The following PLCG2 variants were observed in gnomAD, a reference collection of about 807,000 sequenced individuals.
PLCG2 encodes phospholipase C gamma 2, also known as 1-phosphatidylinositol 4,5-bisphosphate phosphodiesterase gamma-2.
Under a neutral mutation model 175.6 loss-of-function variants are expected in PLCG2, and 69 were observed. That is an observed-to-expected ratio of 0.39 (90% CI 0.32 to 0.48). The LOEUF (loss-of-function observed/expected upper bound fraction) is 0.48. Ranked by LOEUF, PLCG2 falls within the 20% of genes least tolerant of loss-of-function variation. The pLI is 0.91. For synonymous variants in PLCG2, 827 were observed against 624.0 expected (o/e 1.33, Z -4.85); for missense variants, 1,798 against 1,650.9 (o/e 1.09, Z -1.54).
At chr16:81,938,759 A>G (rs1183486643) in intron 28 of PLCG2, 42 bp from the exon 29 acceptor site, 2 of 1,244,970 alleles carry the variant, frequency 1.6e-6, no homozygotes, top group South Asian at 2.4e-5. Flanking sequence ...CTGCCTGTTC[A>G]GGACCCCAGG....
At chr16:81,940,353 G>A (rs1281639079) in intron 30 of PLCG2, among the ~76,000 whole-genome samples, 19 of 152,090 alleles carry the variant, frequency 1.2e-4, no homozygotes, top group Admixed American at 1.2e-3. Context: ...AATATTACAT[G>A]CGGTTTGCTT....
rs1013372539 is a variant in PLCG2 at position 81,893,639 on chromosome 16, G to GA, written c.987-69dup. On this transcript the variant is annotated intron_variant, in intron 11 of 32. Coordinates refer to ENST00000564138, the MANE Select transcript of PLCG2 (RefSeq NM_002661.5). ...CGGAGAAGTTCCCCCACAACACCCT[G>GA]AGGTGCAGGCTTGCCCCCCAACCCC... The GA allele has an allele frequency of 3.6e-4, 317 of 889,176 alleles. 1 individual carries two copies. In the Middle Eastern group the frequency reaches 7.3e-3, roughly 20 times the overall value. 55.1% of individuals were successfully genotyped at this position (889,176 alleles called of 1,614,324 possible). A position where few individuals can be genotyped will look rare whatever the true frequency, so the allele number is the denominator to read the frequency against.
chr16:81,853,922 A>T (rs1001543871), intron 2 of PLCG2, among the ~76,000 whole-genome samples: 14 of 152,008 alleles, frequency 9.2e-5, no homozygotes, highest in Non-Finnish European at 1.9e-4. Flanking sequence ...TCTTATTATT[A>T]TTTTTAATTT....
intron 13 of PLCG2, among the ~76,000 whole-genome samples, chr16:81,896,165 G>A (rs959297767): frequency 6.6e-6 from 1 of 152,102 alleles, no homozygotes; most frequent in Non-Finnish European, 1.5e-5. Context: ...TCTGGCTGGG[G>A]AACCCTGTGG....
intron 5 of PLCG2, among the ~76,000 whole-genome samples, chr16:81,865,885 G>A (rs2143515058): frequency 7.2e-6 from 1 of 138,768 alleles, no homozygotes; most frequent in Non-Finnish European, 1.6e-5. Flanking sequence ...AGAGGACGCT[G>A]GCCTCTCCCT....
intron 1 of PLCG2, among the ~76,000 whole-genome samples, chr16:81,782,364 C>G (rs888893904): frequency 2.0e-5 from 3 of 149,884 alleles, no homozygotes; most frequent in East Asian, 1.9e-4. Context: ...GAAACAGGAA[C>G]AAAAAAGGGA....
intron 24 of PLCG2, 122 bp from the exon 25 acceptor site, chr16:81,931,375 G>A: frequency 1.2e-6 from 1 of 865,602 alleles, no homozygotes. Context: ...CCCCATCAGT[G>A]CTAACCGTGG....
In PLCG2 at chr16:81,961,901, G is replaced by C. The variant is rs1739360750; in HGVS notation, c.*3903G>C. ...TCAAAATTCACTTAAGAGTATCTGAGCATAAAATGTTAAGATTGCTGATCG... is the reference window on the plus strand; with the variant it reads ...TCAAAATTCACTTAAGAGTATCTGACCATAAAATGTTAAGATTGCTGATCG... On this transcript the variant is annotated 3_prime_UTR_variant, in exon 33 of 33. Transcript: ENST00000564138. 1 of 198,952 alleles carries C rather than the reference G, an allele frequency of 5.0e-6. No homozygotes were observed. Among genetic ancestry groups the C allele is most frequent in the African/African-American group, 2.3e-5 (1 of 43,430 alleles). The allele number at this position is 198,952 out of a possible 1,614,324, so 12.3% of individuals were successfully genotyped here. A position where few individuals can be genotyped will look rare whatever the true frequency, so the allele number is the denominator to read the frequency against.
At chr16:81,747,914 A>G (rs1319972699) in intron 1 of PLCG2, among the ~76,000 whole-genome samples, 1 of 152,018 alleles carries the variant, frequency 6.6e-6, no homozygotes, top group African/African-American at 2.4e-5. Context: ...AGATGGAATC[A>G]CCCAGGCTGG....
intron 2 of PLCG2, among the ~76,000 whole-genome samples, chr16:81,818,166 C>T (rs4392063): frequency 0.95 from 145,010 of 152,296 alleles, 69,070 homozygotes; most frequent in East Asian, 1. Context: ...CTCTTACTCC[C>T]GTTAGGATTG....
At chr16:81,836,589 A>C (rs1377649295) in intron 2 of PLCG2, among the ~76,000 whole-genome samples, 2 of 152,036 alleles carry the variant, frequency 1.3e-5, no homozygotes, top group African/African-American at 2.4e-5. Flanking sequence ...AAAAATACAA[A>C]AGTTAGCCGG....
intron 1 of PLCG2, among the ~76,000 whole-genome samples, chr16:81,745,555 T>C (rs1909687544): frequency 6.6e-6 from 1 of 152,192 alleles, no homozygotes; most frequent in Admixed American, 6.5e-5. Flanking sequence ...ACCAGCTGGA[T>C]GTCAACCCCA....
chr16:81,912,690 G>C lies in PLCG2; in HGVS notation c.2028G>C (p.Gly676=), dbSNP rs1909680529. 6.2e-7 allele frequency: 1 copy of C among 1,611,144 alleles called. No individual in the cohort carries two copies. The highest frequency in any genetic ancestry group is 8.5e-7 in the Non-Finnish European group (1 of 1,178,558). The change falls in exon 19 of 33, where the codon GGG becomes GGC. Residue 676 remains glycine (G), a synonymous_variant. Coordinates refer to ENST00000564138, the MANE Select transcript of PLCG2 (RefSeq NM_002661.5). The stretch of plus-strand genomic sequence containing the variant: ...CCTTCCTGATCCGGAAGCGAGAGGG[G>C]AGCGACTCCTATGCCATCACCTTCA... ...DGAFLIRKRE[G]SDSYAITFRA...
intron 13 of PLCG2, chr16:81,898,542 C>T (rs568525303): frequency 2.0e-5 from 3 of 152,278 alleles, no homozygotes; most frequent in Non-Finnish European, 2.9e-5. Flanking sequence ...TTATCATCGT[C>T]ACTTTATTTT....
chr16:81,919,359 C>T (rs1232763549), intron 19 of PLCG2, 125 bp from the exon 20 acceptor site: 2 of 687,754 alleles, frequency 2.9e-6, no homozygotes, highest in Non-Finnish European at 2.6e-6. Context: ...GAGGACTATA[C>T]CCTGTTTATT....
At chr16:81,831,118 C>T (rs1905242618) in intron 2 of PLCG2, among the ~76,000 whole-genome samples, 2 of 152,120 alleles carry the variant, frequency 1.3e-5, no homozygotes, top group East Asian at 3.8e-4. Context: ...TATGAGAGCC[C>T]CTCCCTCCTG....
At chr16:81,810,366 T>G (rs1293580504) in intron 2 of PLCG2, among the ~76,000 whole-genome samples, 1 of 152,216 alleles carries the variant, frequency 6.6e-6, no homozygotes, top group Non-Finnish European at 1.5e-5. Flanking sequence ...AGACCGTTTT[T>G]CTCTCAGCAT....
chr16:81,878,809 C>A (rs190700518), intron 7 of PLCG2, among the ~76,000 whole-genome samples: 1 of 152,302 alleles, frequency 6.6e-6, no homozygotes, highest in East Asian at 1.9e-4. Context: ...CCTTATCTTG[C>A]CTCTCACTGT....
intron 13 of PLCG2, among the ~76,000 whole-genome samples, chr16:81,896,531 TTGCGCCAC>T (rs1045920761): frequency 6.6e-5 from 10 of 151,814 alleles, no homozygotes; most frequent in East Asian, 1.9e-4. Context: ...TGAGGTCACA[TTGCGCCAC>T]TGCACTGCAG....
Sources: allele counts gnomAD v4.1 joint callset (sites outside exome capture counted in the v4.1 genomes callset), GRCh38; gene constraint gnomAD v4.1.1; transcripts MANE v1.5; gene names NCBI Gene and HGNC (gene_info 2026-07-23, HGNC 2026-07-21).